ALK: variants seen among roughly 807,000 people sequenced by gnomAD.
ALK encodes the protein ALK tyrosine kinase receptor.
Under a neutral mutation model 163.1 loss-of-function variants are expected in ALK, and 74 were observed. The ratio of observed to expected loss-of-function variants is 0.45; its 90% CI spans 0.38 to 0.55. The LOEUF (loss-of-function observed/expected upper bound fraction) is 0.55. Among genes scored for constraint, ALK ranks in the 20% least tolerant of loss-of-function variants. The pLI, the probability that ALK is intolerant of heterozygous loss-of-function variation, is 0.00. For synonymous variants in ALK, 960 were observed against 843.2 expected, an observed-to-expected ratio of 1.14 and a Z score of -2.40; for missense variants, 2,063 against 2,105.3, an observed-to-expected ratio of 0.98 and a Z score of 0.39.
chr2:29,394,613 T>TG (rs938587125), intron 4 of ALK, among the ~76,000 whole-genome samples: 9 of 152,074 alleles, frequency 5.9e-5, no homozygotes, highest in African/African-American at 2.2e-4. Context: ...GGGATTCCAG[T>TG]GGGGGTTTTC....
chr2:29,887,611 T>C (rs1444349421), intron 1 of ALK, among the ~76,000 whole-genome samples: 2 of 152,192 alleles, frequency 1.3e-5, no homozygotes, highest in Non-Finnish European at 2.9e-5. Context: ...CCTGGGAATC[T>C]TGTCAAAGTG....
chr2:29,823,953 C>A (rs1332201620), intron 1 of ALK, among the ~76,000 whole-genome samples: 1 of 151,900 alleles, frequency 6.6e-6, no homozygotes, highest in Admixed American at 6.6e-5. Context: ...AGCCCCTCCT[C>A]CCCCCATCAC....
chr2:29,617,698 T>C (rs1047991461), intron 3 of ALK, among the ~76,000 whole-genome samples: 4 of 152,168 alleles, frequency 2.6e-5, no homozygotes, highest in Non-Finnish European at 1.5e-5. Flanking sequence ...GAAACCCCAC[T>C]TGTCCTTGCT....
At chr2:29,914,677 G>T (rs1667786218) in intron 1 of ALK, among the ~76,000 whole-genome samples, 1 of 152,132 alleles carries the variant, frequency 6.6e-6, no homozygotes, top group African/African-American at 2.4e-5. Context: ...TGATAAAGCT[G>T]GGCCTCAATG....
At chr2:29,447,837 C>T (rs1395822229) in intron 4 of ALK, among the ~76,000 whole-genome samples, 2 of 152,034 alleles carry the variant, frequency 1.3e-5, no homozygotes, top group African/African-American at 4.8e-5. Context: ...TTCCCAATCT[C>T]TTTGCTGCTC....
intron 1 of ALK, among the ~76,000 whole-genome samples, chr2:29,836,530 A>G (rs1162985387): frequency 6.6e-6 from 1 of 152,168 alleles, no homozygotes; most frequent in Admixed American, 6.5e-5. Context: ...CCCTAGCCAG[A>G]GCTAATTTTG....
chr2:29,499,608 C>T (rs1437065225), intron 4 of ALK, among the ~76,000 whole-genome samples: 2 of 152,176 alleles, frequency 1.3e-5, no homozygotes, highest in Admixed American at 6.5e-5. Flanking sequence ...CCTCTCGCCT[C>T]CCTCCAGCCA....
chr2:29,497,578 G>A (rs1260774477), intron 4 of ALK, among the ~76,000 whole-genome samples: 1 of 152,140 alleles, frequency 6.6e-6, no homozygotes, highest in Non-Finnish European at 1.5e-5. Flanking sequence ...CTCTGTTGCT[G>A]CTAATCAGCA....
chr2:29,791,634 T>A lies in ALK; in HGVS notation c.668-73937A>T, dbSNP rs6706757. ...CCAGAACTTAAAGTATAATTAAAAA[T>A]ATATATATATATATTTCCAAACAAT... On this transcript the variant is annotated intron_variant, in intron 1 of 28. Transcript: ENST00000389048. Among the ~76,000 whole-genome samples the A allele has an allele frequency of 5.4e-3, 776 of 142,396 alleles. 1 individual carries two copies. The highest frequency in any genetic ancestry group is 0.01 in the African/African-American group (403 of 38,802). The allele number at this position is 142,396 out of a possible 152,430, so 93.4% of individuals were successfully genotyped here.
intron 1 of ALK, among the ~76,000 whole-genome samples, chr2:29,740,057 A>G (rs896575616): frequency 6.6e-6 from 1 of 152,138 alleles, no homozygotes; most frequent in Non-Finnish European, 1.5e-5. Flanking sequence ...TTGAATGCCT[A>G]CACCATACAT....
chr2:29,826,169 T>C (rs532169768), intron 1 of ALK, among the ~76,000 whole-genome samples: 150 of 152,278 alleles, frequency 9.9e-4, no homozygotes, highest in African/African-American at 3.4e-3. Flanking sequence ...GAAGGACACA[T>C]AGACCTGAGT....
chr2:29,628,878 G>A (rs938072288), intron 3 of ALK, among the ~76,000 whole-genome samples: 2 of 152,210 alleles, frequency 1.3e-5, no homozygotes, highest in Admixed American at 1.3e-4. Flanking sequence ...GCATGTTCAA[G>A]ACTCAGTGCT....
chr2:29,514,606 A>G (rs1032098477), intron 4 of ALK, among the ~76,000 whole-genome samples: 22 of 152,190 alleles, frequency 1.4e-4, no homozygotes, highest in African/African-American at 5.1e-4. Flanking sequence ...GGATGTTTAT[A>G]AGTTTCAAAA....
intron 23 of ALK, among the ~76,000 whole-genome samples, chr2:29,218,140 C>T (rs561081415): frequency 6.6e-6 from 1 of 152,294 alleles, no homozygotes; most frequent in Admixed American, 6.5e-5. Context: ...TGAAATCGGC[C>T]AAGGATCCCA....
chr2:29,223,761 T>G, intron 19 of ALK: 1 of 573,406 alleles, frequency 1.7e-6, no homozygotes, highest in Non-Finnish European at 3.1e-6. Flanking sequence ...AATAATTATT[T>G]GTATTATATA....
At chr2:29,761,774 A>T (rs1680709562) in intron 1 of ALK, among the ~76,000 whole-genome samples, 1 of 152,208 alleles carries the variant, frequency 6.6e-6, no homozygotes, top group Non-Finnish European at 1.5e-5. Context: ...GTCACCTCCT[A>T]GACAAAAACA....
chr2:29,406,679 A>G (rs1214489770), intron 4 of ALK, among the ~76,000 whole-genome samples: 1 of 152,092 alleles, frequency 6.6e-6, no homozygotes, highest in Non-Finnish European at 1.5e-5. Context: ...AGGTGGGCCA[A>G]TCATGAGATC....
At chr2:29,571,333 G>A (rs1674362272) in intron 3 of ALK, among the ~76,000 whole-genome samples, 1 of 152,142 alleles carries the variant, frequency 6.6e-6, no homozygotes, top group East Asian at 1.9e-4. Context: ...CACATGTCGA[G>A]GGAGGGACCT....
chr2:29,757,204 A>G (rs1010558866), intron 1 of ALK, among the ~76,000 whole-genome samples: 1 of 152,224 alleles, frequency 6.6e-6, no homozygotes, highest in Non-Finnish European at 1.5e-5. Flanking sequence ...TGAAATGTGG[A>G]AACTGGGGAG....
Sources: gnomAD v4.1 joint callset for allele counts (sites outside exome capture counted in the v4.1 genomes callset) on GRCh38, gnomAD v4.1.1 for gene constraint, MANE v1.5 for transcripts, NCBI Gene and HGNC (gene_info 2026-07-23, HGNC 2026-07-21) for gene names.